ATP9B: variants seen among roughly 807,000 people sequenced by gnomAD.
The protein encoded by ATP9B is probable phospholipid-transporting ATPase IIB.
In ATP9B, 110 loss-of-function variants were observed where a neutral mutation model predicts 146.1. The observed-to-expected ratio is 0.75, with a 90% confidence interval of 0.65 to 0.88. ATP9B has a LOEUF of 0.88. ATP9B is among the 40% of genes least tolerant of loss of function. The pLI, the probability that ATP9B is intolerant of heterozygous loss-of-function variation, is 0.00. For synonymous variants in ATP9B, 604 were observed against 569.7 expected (o/e 1.06, Z -0.86); for missense variants, 1,499 against 1,496.4 (o/e 1.00, Z -0.03).
chr18:79,078,629 C>T (rs2072894190), intron 1 of ATP9B, among the ~76,000 whole-genome samples: 1 of 150,618 alleles, frequency 6.6e-6, no homozygotes, highest in African/African-American at 2.4e-5. Flanking sequence ...AGTTTACATA[C>T]ATACAAGTTA....
chr18:79,326,380 C>T (rs1249626719), intron 15 of ATP9B, among the ~76,000 whole-genome samples: 2 of 124,404 alleles, frequency 1.6e-5, no homozygotes, highest in Admixed American at 7.7e-5. Context: ...TGTACCCTCC[C>T]TCCCCTCACA....
chr18:79,181,842 T>C (rs1254543300), intron 8 of ATP9B, among the ~76,000 whole-genome samples: 1 of 152,194 alleles, frequency 6.6e-6, no homozygotes, highest in Non-Finnish European at 1.5e-5. Flanking sequence ...TTTGTAATGC[T>C]TAATTCCATG....
In ATP9B at chr18:79,376,214, C is replaced by CACACACACACACACACACACACAA; in HGVS notation, c.3307+789_3307+790insCACACACACACACACACACACAAA. ...ACACACACACACACACACACACACA[C>CACACACACACACACACACACACAA]AAAACAAAACAAAAAAATGGCTAGC... On this transcript the variant is annotated intron_variant, in intron 29 of 29. Coordinates refer to ENST00000426216, the MANE Select transcript of ATP9B (RefSeq NM_198531.5). The CACACACACACACACACACACACAA allele has an allele frequency of 5.5e-5, 29 of 528,142 alleles. No individual in the cohort carries two copies. In the Admixed American group the frequency reaches 5.7e-4, roughly 10 times the overall value. The allele number at this position is 528,142 out of a possible 1,614,324, so 32.7% of individuals were successfully genotyped here. A position where few individuals can be genotyped will look rare whatever the true frequency, so the allele number is the denominator to read the frequency against.
At chr18:79,181,319 A>T (rs2095250054) in intron 8 of ATP9B, among the ~76,000 whole-genome samples, 1 of 152,052 alleles carries the variant, frequency 6.6e-6, no homozygotes, top group African/African-American at 2.4e-5. Flanking sequence ...AAGTGTGTTG[A>T]TGCATTTTCA....
intron 7 of ATP9B, among the ~76,000 whole-genome samples, chr18:79,175,282 C>CTG (rs146531673): frequency 0.068 from 10,209 of 149,814 alleles, 409 homozygotes; most frequent in Non-Finnish European, 0.096. Flanking sequence ...TGTGATTAAA[C>CTG]TGAATTATGT....
At chr18:79,320,464 C>G (rs1365703179) in intron 15 of ATP9B, among the ~76,000 whole-genome samples, 2 of 152,196 alleles carry the variant, frequency 1.3e-5, no homozygotes, top group African/African-American at 4.8e-5. Flanking sequence ...CCACACACAC[C>G]AGGGGCATGA....
At chr18:79,348,763 C>T (rs1242771212) in intron 25 of ATP9B, among the ~76,000 whole-genome samples, 1 of 152,244 alleles carries the variant, frequency 6.6e-6, no homozygotes, top group African/African-American at 2.4e-5. Flanking sequence ...GGGTGGATCA[C>T]CTGAGGTCAG....
intron 11 of ATP9B, among the ~76,000 whole-genome samples, chr18:79,238,039 A>G (rs1212536283): frequency 2.0e-5 from 3 of 152,074 alleles, no homozygotes; most frequent in African/African-American, 7.2e-5. Flanking sequence ...AAAATTTTAT[A>G]TTCTGTTTGC....
chr18:79,219,549 G>T (rs2095658904), intron 11 of ATP9B, among the ~76,000 whole-genome samples: 1 of 92,900 alleles, frequency 1.1e-5, no homozygotes, highest in African/African-American at 5.0e-5. Context: ...TTACTGAAAA[G>T]AAAATCATAT....
Position 79,188,107 on chromosome 18 carries a change from C to T in ATP9B, c.874-5076C>T, listed in dbSNP as rs190716948. Among the ~76,000 whole-genome samples, 199 of 152,002 alleles carry T rather than the reference C, an allele frequency of 1.3e-3. 1 individual carries two copies. Among genetic ancestry groups the T allele is most frequent in the Non-Finnish European group, 2.2e-3 (149 of 67,966 alleles). On this transcript the variant is annotated intron_variant, in intron 8 of 29. Transcript: ENST00000426216. ...TAGAATCAACAGGAAAGAGAAAGCC[C>T]GGTGCAAATGTAAAAGCCCAGCCCA...
At chr18:79,076,648 C>G (rs2072654775) in intron 1 of ATP9B, among the ~76,000 whole-genome samples, 1 of 152,062 alleles carries the variant, frequency 6.6e-6, no homozygotes, top group Non-Finnish European at 1.5e-5. Context: ...TTCAGGATTA[C>G]CCTGTTTAGG....
intron 15 of ATP9B, 54 bp from the exon 16 acceptor site, chr18:79,329,087 G>C (rs1377865928): frequency 9.2e-5 from 134 of 1,450,232 alleles, no homozygotes; most frequent in Non-Finnish European, 1.2e-4. Context: ...TGGCTCGCCT[G>C]CGTGCGGCTT....
At position 79,303,654 on chromosome 18, in the gene ATP9B, G is replaced by GT; in HGVS notation, c.1463dup (p.Ser489ValfsTer9). The stretch of plus-strand genomic sequence containing the variant: ...ATTTAAGCGGCTGCACCTGGGCACC[G>GT]TGTCCTATGGCGCCGACACGATGGA... On this transcript the variant is annotated frameshift_variant, in exon 14 of 30. Transcript: ENST00000426216. LOFTEE classifies it high-confidence loss of function. The GT allele has an allele frequency of 6.2e-7, 1 of 1,614,004 alleles. No homozygotes were observed. The highest frequency in any genetic ancestry group is 8.5e-7 in the Non-Finnish European group (1 of 1,179,956).
chr18:79,282,134 G>A (rs575648255), intron 13 of ATP9B, among the ~76,000 whole-genome samples: 20 of 152,308 alleles, frequency 1.3e-4, no homozygotes, highest in East Asian at 1.9e-4. Context: ...GATGAAACTC[G>A]AACAGATGAG....
At chr18:79,178,434 C>G (rs1004118306) in intron 8 of ATP9B, among the ~76,000 whole-genome samples, 1 of 152,098 alleles carries the variant, frequency 6.6e-6, no homozygotes, top group Non-Finnish European at 1.5e-5. Context: ...TGCTTGTCCT[C>G]TTTGGTGATG....
chr18:79,193,427 A>C (rs2095388143), intron 9 of ATP9B, among the ~76,000 whole-genome samples, 164 bp downstream of exon 9: 1 of 152,244 alleles, frequency 6.6e-6, no homozygotes. Flanking sequence ...CCCATATTAA[A>C]TATGTCTTTG....
chr18:79,370,091 T>G (rs2097060313), intron 26 of ATP9B, among the ~76,000 whole-genome samples: 1 of 152,176 alleles, frequency 6.6e-6, no homozygotes, highest in African/African-American at 2.4e-5. Context: ...AGAGCAAGAC[T>G]CCATCTCAAA....
chr18:79,183,647 G>T (rs1040382662), intron 8 of ATP9B, among the ~76,000 whole-genome samples: 43 of 151,270 alleles, frequency 2.8e-4, no homozygotes, highest in African/African-American at 9.9e-4. Flanking sequence ...TTTTTTCAAT[G>T]ATTTCTGCTT....
intron 4 of ATP9B, among the ~76,000 whole-genome samples, chr18:79,123,248 CAA>C (rs911383307): frequency 6.6e-6 from 1 of 151,954 alleles, no homozygotes; most frequent in African/African-American, 2.4e-5. Flanking sequence ...GATGAACATA[CAA>C]AAGTCACTTG....
Sources: gnomAD v4.1 joint callset for allele counts (sites outside exome capture counted in the v4.1 genomes callset) on GRCh38, gnomAD v4.1.1 for gene constraint, MANE v1.5 for transcripts, NCBI Gene and HGNC (gene_info 2026-07-23, HGNC 2026-07-21) for gene names.